The following PPARGC1A variants were observed in gnomAD, a reference collection of about 807,000 sequenced individuals.
The protein encoded by PPARGC1A is peroxisome proliferator-activated receptor gamma coactivator 1-alpha.
Under a neutral mutation model 88.7 loss-of-function variants are expected in PPARGC1A, and 25 were observed. The observed-to-expected ratio is 0.28, with a 90% CI of 0.21 to 0.39. PPARGC1A has a LOEUF of 0.39. Among genes scored for constraint, PPARGC1A ranks in the 10% least tolerant of loss-of-function variants. The pLI is 1.00. For missense variants in PPARGC1A, 880 were observed against 968.7 expected, an observed-to-expected ratio of 0.91 and a Z score of 1.22; for synonymous variants, 363 against 355.6, an observed-to-expected ratio of 1.02 and a Z score of -0.24.
the PPARGC1A span, among the ~76,000 whole-genome samples, chr4:24,292,228 A>G: frequency 1.3e-5 from 2 of 152,048 alleles, no homozygotes; most frequent in Admixed American, 6.5e-5. Flanking sequence ...CCACTCAACA[A>G]ACACTCCCTG....
rs193289379 is a variant in PPARGC1A at position 23,808,343 on chromosome 4, T to C, written c.2019+4404A>G. On this transcript the variant is annotated intron_variant, in intron 10 of 12. Coordinates refer to ENST00000264867, the MANE Select transcript of PPARGC1A (RefSeq NM_013261.5). ...ATTATCAGCAGTACTACACTGTCCCTGGCTTCTGAGCTGGACACTGACCAA... is the reference window on the plus strand; with the variant it reads ...ATTATCAGCAGTACTACACTGTCCCCGGCTTCTGAGCTGGACACTGACCAA... 3.6e-4 allele frequency among the ~76,000 whole-genome samples: 54 copies of C among 152,100 alleles called. No homozygotes were observed. In the East Asian group the frequency reaches 8.5e-3, roughly 24 times the overall value.
chr4:24,245,750 T>C, the PPARGC1A span, among the ~76,000 whole-genome samples: 2 of 152,042 alleles, frequency 1.3e-5, no homozygotes, highest in African/African-American at 4.8e-5. Flanking sequence ...GAATGTGGAG[T>C]TGAATACAAG....
chr4:24,058,026 C>A, the PPARGC1A span, among the ~76,000 whole-genome samples: 1 of 152,194 alleles, frequency 6.6e-6, no homozygotes, highest in Non-Finnish European at 1.5e-5. Context: ...CTGGAAACAG[C>A]CCCTGGTGCT....
chr4:24,287,311 A>G, the PPARGC1A span, among the ~76,000 whole-genome samples: 3 of 152,146 alleles, frequency 2.0e-5, no homozygotes, highest in African/African-American at 7.2e-5. Flanking sequence ...CTCACACTCA[A>G]AGGCATGAAT....
At chr4:24,213,456 G>A in the PPARGC1A span, among the ~76,000 whole-genome samples, 5 of 152,130 alleles carry the variant, frequency 3.3e-5, no homozygotes, top group Admixed American at 1.3e-4. Flanking sequence ...GTGAGCCACC[G>A]CGCCCGGCCG....
the PPARGC1A span, among the ~76,000 whole-genome samples, chr4:24,472,663 T>TGCCGCCGCC: frequency 3.4e-4 from 51 of 151,606 alleles, no homozygotes; most frequent in East Asian, 4.5e-3. The surrounding 1 kb of genome is among the most constrained non-coding windows in gnomAD (Gnocchi z 4.5). Context: ...ATGCTCGGGC[T>TGCCGCCGCC]GCCGCCGCCG....
the PPARGC1A span, among the ~76,000 whole-genome samples, chr4:24,251,665 G>C: frequency 6.6e-6 from 1 of 152,082 alleles, no homozygotes; most frequent in Admixed American, 6.5e-5. Context: ...ATCTAATTTA[G>C]TCTTTATTTG....
intron 2 of PPARGC1A, among the ~76,000 whole-genome samples, chr4:23,867,690 A>G (rs1046221689): frequency 1.3e-5 from 2 of 152,172 alleles, no homozygotes; most frequent in African/African-American, 4.8e-5. Flanking sequence ...ATCATTCACA[A>G]CTTCTGAAAG....
At chr4:23,812,411 CAG>C (rs1157227473) in intron 10 of PPARGC1A, among the ~76,000 whole-genome samples, 1 of 151,888 alleles carries the variant, frequency 6.6e-6, no homozygotes. Flanking sequence ...TAACAGGAAA[CAG>C]AAAGAAAAAC....
At chr4:23,923,603 A>C in the PPARGC1A span, among the ~76,000 whole-genome samples, 1 of 152,192 alleles carries the variant, frequency 6.6e-6, no homozygotes, top group Non-Finnish European at 1.5e-5. Flanking sequence ...ATTGCTAAAA[A>C]AGAAGTAACA....
the PPARGC1A span, among the ~76,000 whole-genome samples, chr4:24,097,058 C>T: frequency 7.9e-5 from 12 of 152,058 alleles, no homozygotes; most frequent in Admixed American, 1.3e-4. Context: ...GGTGCCACGG[C>T]GCTCCAGCCT....
the PPARGC1A span, among the ~76,000 whole-genome samples, chr4:24,008,405 T>C: frequency 1.6e-4 from 24 of 152,310 alleles, no homozygotes; most frequent in Non-Finnish European, 1.9e-4. Context: ...CTGGTTGGGA[T>C]ATATCTATTT....
the PPARGC1A span, among the ~76,000 whole-genome samples, chr4:23,982,998 T>A: frequency 6.6e-6 from 1 of 152,286 alleles, no homozygotes; most frequent in East Asian, 1.9e-4. Context: ...ATGGCTCCTT[T>A]CACACTACAA....
the PPARGC1A span, among the ~76,000 whole-genome samples, chr4:24,287,634 G>GCGCACACACACACACA: frequency 4.9e-5 from 7 of 142,052 alleles, no homozygotes; most frequent in African/African-American, 1.8e-4. Context: ...AACACCACAT[G>GCGCACACACACACACA]CACACACACA....
chr4:24,320,643 A>G, the PPARGC1A span, among the ~76,000 whole-genome samples: 1 of 151,250 alleles, frequency 6.6e-6, no homozygotes, highest in East Asian at 2.0e-4. Flanking sequence ...AAACAGAGAA[A>G]TGAATTTTGA....
the PPARGC1A span, among the ~76,000 whole-genome samples, chr4:24,302,755 T>G: frequency 9.8e-5 from 15 of 152,312 alleles, no homozygotes; most frequent in African/African-American, 1.4e-4. Context: ...CAAATGGCAG[T>G]CAGGAATTAT....
At chr4:24,254,378 C>T in the PPARGC1A span, among the ~76,000 whole-genome samples, 2 of 152,170 alleles carry the variant, frequency 1.3e-5, no homozygotes, top group African/African-American at 4.8e-5. Context: ...TTTTCAGAGG[C>T]TCCACAAAGC....
the PPARGC1A span, among the ~76,000 whole-genome samples, chr4:23,981,431 A>G: frequency 6.6e-5 from 10 of 152,178 alleles, no homozygotes; most frequent in Non-Finnish European, 1.2e-4. Flanking sequence ...TTCCAAGGAT[A>G]CAATTGCCAT....
At chr4:24,316,070 C>T in the PPARGC1A span, among the ~76,000 whole-genome samples, 9 of 152,274 alleles carry the variant, frequency 5.9e-5, no homozygotes, top group East Asian at 1.7e-3. Flanking sequence ...TGTGGGGTGA[C>T]GGTTCTGCTC....
Sources: allele counts gnomAD v4.1 joint callset (sites outside exome capture counted in the v4.1 genomes callset), GRCh38; gene constraint gnomAD v4.1.1; non-coding constraint Gnocchi (gnomAD v3.1); transcripts MANE v1.5; gene names NCBI Gene and HGNC (gene_info 2026-07-23, HGNC 2026-07-21).